NSMCE1: variants seen among roughly 807,000 people sequenced by gnomAD.
The protein encoded by NSMCE1 is NSE1 component of SMC5/6 complex, also known as non-structural maintenance of chromosomes element 1 homolog.
A neutral mutation model predicts 29.6 loss-of-function variants in NSMCE1; 18 were observed. The observed-to-expected ratio is 0.61, with a 90% CI of 0.42 to 0.90. The LOEUF is 0.90. Among genes scored for constraint, NSMCE1 ranks in the 40% least tolerant of loss-of-function variants. The pLI is 0.00. For synonymous variants in NSMCE1, 124 were observed against 133.4 expected (o/e 0.93, Z 0.49); for missense variants, 314 against 343.6 (o/e 0.91, Z 0.68).
chr16:27,242,645 GC>G (rs1461322472), intron 2 of NSMCE1, among the ~76,000 whole-genome samples: 1 of 152,146 alleles, frequency 6.6e-6, no homozygotes, highest in Non-Finnish European at 1.5e-5. Flanking sequence ...ATAAAGCAGT[GC>G]CCACTGCTTT....
intron 2 of NSMCE1, among the ~76,000 whole-genome samples, chr16:27,235,714 G>A (rs2083815460): frequency 6.6e-6 from 1 of 152,160 alleles, no homozygotes; most frequent in Admixed American, 6.5e-5. Flanking sequence ...CCAGTGCCCC[G>A]CGAGAGGCCT....
chr16:27,262,638 C>T (rs2084172106), intron 1 of NSMCE1, among the ~76,000 whole-genome samples: 1 of 152,092 alleles, frequency 6.6e-6, no homozygotes, highest in Admixed American at 6.6e-5. Context: ...ACTATAAAAT[C>T]CCTGGAAGAC....
At chr16:27,230,014 C>A (rs994183246) in intron 5 of NSMCE1, among the ~76,000 whole-genome samples, 3 of 152,230 alleles carry the variant, frequency 2.0e-5, no homozygotes, top group African/African-American at 7.2e-5. Flanking sequence ...ACGACGACAG[C>A]CCAGGTGATC....
At chr16:27,228,865 C>T (rs1330980964) in intron 5 of NSMCE1, among the ~76,000 whole-genome samples, 36 of 150,776 alleles carry the variant, frequency 2.4e-4, no homozygotes, top group Non-Finnish European at 4.4e-4. Flanking sequence ...TACCCCACAT[C>T]CCCGGCCACC....
chr16:27,246,146 C>G (rs1455339168), intron 2 of NSMCE1, among the ~76,000 whole-genome samples: 1 of 152,136 alleles, frequency 6.6e-6, no homozygotes, highest in East Asian at 1.9e-4. Flanking sequence ...CTTTATCAAA[C>G]CCCAACGTGA....
At chr16:27,251,209 A>AT (rs58818873) in intron 2 of NSMCE1, among the ~76,000 whole-genome samples, 1 of 93,378 alleles carries the variant, frequency 1.1e-5, no homozygotes. Flanking sequence ...TATATATATA[A>AT]AACTCTGTAG....
chr16:27,246,900 C>T (rs1045670342), intron 2 of NSMCE1, among the ~76,000 whole-genome samples: 1 of 152,026 alleles, frequency 6.6e-6, no homozygotes, highest in Non-Finnish European at 1.5e-5. Flanking sequence ...CCATCAACAC[C>T]GTAGCCGACC....
intron 2 of NSMCE1, among the ~76,000 whole-genome samples, chr16:27,254,007 AAC>A (rs2084060073): frequency 1.3e-5 from 2 of 152,376 alleles, no homozygotes; most frequent in South Asian, 4.1e-4. Context: ...AAACTGGACA[AAC>A]ACCCTGGGAA....
intron 2 of NSMCE1, among the ~76,000 whole-genome samples, chr16:27,249,547 C>T (rs963194320): frequency 2.0e-5 from 3 of 152,198 alleles, no homozygotes; most frequent in African/African-American, 7.2e-5. Flanking sequence ...CACTAAATTA[C>T]CTTTGCACTT....
At chr16:27,267,468 C>T (rs1006302539) in intron 1 of NSMCE1, among the ~76,000 whole-genome samples, 2 of 152,124 alleles carry the variant, frequency 1.3e-5, no homozygotes, top group South Asian at 4.1e-4. Context: ...CAGAGATAGA[C>T]GTGACCATAC....
intron 2 of NSMCE1, chr16:27,241,687 A>C (rs533346386): frequency 2.0e-5 from 5 of 255,778 alleles, no homozygotes; most frequent in African/African-American, 1.1e-4. Flanking sequence ...CAATGCTGGG[A>C]AGAGCCGGGT....
chr16:27,237,900 A>G (rs553142665), intron 2 of NSMCE1, among the ~76,000 whole-genome samples: 11 of 152,106 alleles, frequency 7.2e-5, no homozygotes, highest in Admixed American at 6.5e-4. Flanking sequence ...GTACTCGCTC[A>G]CTGCACACAC....
intron 1 of NSMCE1, among the ~76,000 whole-genome samples, chr16:27,265,161 CTTTTTT>C (rs5816427): frequency 3.6e-5 from 3 of 82,672 alleles, no homozygotes; most frequent in African/African-American, 1.4e-4. Flanking sequence ...AATTCTTTTC[CTTTTTT>C]TTTTTTTTTT....
Position 27,226,753 on chromosome 16 carries a change from C to A in NSMCE1, c.567G>T (p.Lys189Asn). The change falls in exon 6 of 8, where the codon AAG becomes AAT. Residue 189 changes from lysine (K) to asparagine (N), a missense_variant. Lys to Asn is a moderately conservative substitution (Grantham distance 94, BLOSUM62 0). Coordinates refer to ENST00000361439, the MANE Select transcript of NSMCE1 (RefSeq NM_145080.4). ...YIRETYPDAV[K>N]ICNICHSLLI... is the part of the protein sequence containing the mutation. Reference sequence around the variant, plus strand: ...GGAGGCTGTGACAGATATTGCAGATCTTCACCGCGTCGGGGTACGTCTCCC... The same window carrying A: ...GGAGGCTGTGACAGATATTGCAGATATTCACCGCGTCGGGGTACGTCTCCC... 1 of 1,613,782 alleles carries A rather than the reference C, an allele frequency of 6.2e-7. No individual in the cohort carries two copies. The highest frequency in any genetic ancestry group is 8.5e-7 in the Non-Finnish European group (1 of 1,179,668).
intron 2 of NSMCE1, among the ~76,000 whole-genome samples, chr16:27,245,730 T>C (rs758643600): frequency 6.6e-6 from 1 of 152,250 alleles, no homozygotes; most frequent in African/African-American, 2.4e-5. Flanking sequence ...TTACTTTTCA[T>C]ACTCATTTTT....
chr16:27,228,342 C>G (rs1201851530), intron 5 of NSMCE1, among the ~76,000 whole-genome samples: 1 of 152,072 alleles, frequency 6.6e-6, no homozygotes, highest in Non-Finnish European at 1.5e-5. Flanking sequence ...TGCTGGTGCA[C>G]AGGGGCTTTG....
intron 2 of NSMCE1, among the ~76,000 whole-genome samples, chr16:27,239,660 C>T (rs535482266): frequency 1.0e-3 from 157 of 152,296 alleles, no homozygotes; most frequent in African/African-American, 3.6e-3. Flanking sequence ...CTCTGCACAC[C>T]ACCAACCTCC....
intron 2 of NSMCE1, among the ~76,000 whole-genome samples, chr16:27,240,588 G>C (rs1010816703): frequency 3.9e-5 from 6 of 152,204 alleles, no homozygotes; most frequent in African/African-American, 7.2e-5. Context: ...AGACCCTGGA[G>C]CGAACAGAGC....
In NSMCE1 at chr16:27,235,184, A is replaced by G. The variant is rs1469645836; in HGVS notation, c.252T>C (p.Tyr84=). ...GVTEDDGRPI[Y]ALVNLATTSI... is the part of the protein sequence containing the mutation. ...GGCTCTGCCGGGCACTCACCAACGC[A>G]TAAATGGGTCTCCCATCATCTTCCG... is the stretch of plus-strand genomic sequence containing the variant. Residue 84 remains tyrosine (Y), a synonymous_variant, in exon 3 of 8, where the codon TAT becomes TAC. Transcript: ENST00000361439. 1 of 1,614,004 alleles carries G rather than the reference A, an allele frequency of 6.2e-7. No homozygotes were observed. Among genetic ancestry groups the G allele is most frequent in the Admixed American group, 1.7e-5 (1 of 59,938 alleles).
Sources: allele counts gnomAD v4.1 joint callset (sites outside exome capture counted in the v4.1 genomes callset), GRCh38; gene constraint gnomAD v4.1.1; transcripts MANE v1.5; gene names NCBI Gene and HGNC (gene_info 2026-07-23, HGNC 2026-07-21).